Variants in KLHL29 observed in about 807,000 individuals in gnomAD.
KLHL29 encodes the protein kelch-like protein 29.
A neutral mutation model predicts 80.4 loss-of-function variants in KLHL29; 21 were observed. The observed-to-expected ratio is 0.26, with a 90% confidence interval of 0.19 to 0.38. The LOEUF (loss-of-function observed/expected upper bound fraction) is 0.38, where lower values mean the gene tolerates loss of function less well. Among genes scored for constraint, KLHL29 ranks in the 10% least tolerant of loss-of-function variants. The pLI, the probability that KLHL29 is intolerant of heterozygous loss-of-function variation, is 1.00. For missense variants in KLHL29, 867 were observed against 1,223.9 expected (o/e 0.71, Z 4.35); for synonymous variants, 511 against 526.8 (o/e 0.97, Z 0.41).
intron 5 of KLHL29, among the ~76,000 whole-genome samples, chr2:23,679,619 T>TATAGATATAGATATAGATATAGATATAG (rs1553354733): frequency 1.3e-5 from 2 of 151,698 alleles, no homozygotes; most frequent in Non-Finnish European, 2.9e-5. Context: ...CAGATATATA[T>TATAGATATAGATATAGATATAGATATAG]ATATGTATGC....
At position 23,429,262 on chromosome 2, in the gene KLHL29, G is replaced by T. The variant is rs1663099158; in HGVS notation, c.-154+43482G>T. Reference sequence around the variant, plus strand: ...ATGTGAGTTGCTTTTGTGCAGCCCAGGGAGCCATGGTTGCTGGCGCTGGGG... The same window carrying T: ...ATGTGAGTTGCTTTTGTGCAGCCCATGGAGCCATGGTTGCTGGCGCTGGGG... On this transcript the variant is annotated intron_variant, in intron 1 of 13. Transcript: ENST00000486442. Among the ~76,000 whole-genome samples the T allele has an allele frequency of 2.0e-5, 3 of 152,200 alleles. No homozygotes were observed. In the South Asian group the frequency reaches 6.2e-4, roughly 31 times the overall value.
intron 1 of KLHL29, among the ~76,000 whole-genome samples, chr2:23,423,163 G>A (rs534743905): frequency 6.6e-6 from 1 of 152,372 alleles, no homozygotes; most frequent in African/African-American, 2.4e-5. Flanking sequence ...GTCACAGGAA[G>A]TGTTTTTCAC....
At chr2:23,565,537 C>T (rs936623134) in intron 3 of KLHL29, among the ~76,000 whole-genome samples, 17 of 152,144 alleles carry the variant, frequency 1.1e-4, no homozygotes, top group Admixed American at 2.6e-4. Flanking sequence ...GGCCGTCTAG[C>T]GGGCTCCAGA....
At chr2:23,499,371 G>A (rs1403023663) in intron 2 of KLHL29, among the ~76,000 whole-genome samples, 1 of 152,148 alleles carries the variant, frequency 6.6e-6, no homozygotes, top group Admixed American at 6.5e-5. Flanking sequence ...GGACAGATTA[G>A]GGCAACTGGA....
chr2:23,569,636 T>C (rs1357894132), intron 3 of KLHL29, among the ~76,000 whole-genome samples: 1 of 152,190 alleles, frequency 6.6e-6, no homozygotes, highest in African/African-American at 2.4e-5. Context: ...AGGGAAAGTA[T>C]GTTCCAAAAT....
chr2:23,449,792 A>G (rs1663814710), intron 1 of KLHL29, among the ~76,000 whole-genome samples: 1 of 152,118 alleles, frequency 6.6e-6, no homozygotes, highest in South Asian at 2.1e-4. Context: ...GGCCCATACA[A>G]CTGAACTCCT....
intron 2 of KLHL29, among the ~76,000 whole-genome samples, chr2:23,497,056 G>T (rs1665286523): frequency 7.2e-6 from 1 of 138,986 alleles, no homozygotes; most frequent in African/African-American, 2.7e-5. Context: ...TTCTCCTAGG[G>T]TAGGAAAAAA....
chr2:23,487,079 C>T (rs1300332037), intron 2 of KLHL29, among the ~76,000 whole-genome samples: 1 of 152,200 alleles, frequency 6.6e-6, no homozygotes, highest in East Asian at 1.9e-4. Context: ...CTGGAGTTCA[C>T]ATCTGTATGA....
intron 3 of KLHL29, among the ~76,000 whole-genome samples, chr2:23,621,406 A>G (rs938137492): frequency 1.3e-5 from 2 of 152,336 alleles, no homozygotes; most frequent in Non-Finnish European, 2.9e-5. Flanking sequence ...ACGTTTGGCA[A>G]TGGCCTTGGC....
intron 2 of KLHL29, among the ~76,000 whole-genome samples, chr2:23,546,958 T>C (rs1653783): frequency 0.61 from 92,387 of 151,838 alleles, 30,428 homozygotes; most frequent in East Asian, 0.96. Flanking sequence ...GAGACAGACT[T>C]GAGCCATCTG....
chr2:23,621,978 A>C (rs753115455), intron 3 of KLHL29, among the ~76,000 whole-genome samples: 4 of 152,182 alleles, frequency 2.6e-5, no homozygotes, highest in African/African-American at 9.7e-5. Context: ...TGAGAGAGAA[A>C]GTCTGGTCCA....
intron 2 of KLHL29, among the ~76,000 whole-genome samples, chr2:23,502,573 A>G (rs1665484548): frequency 6.6e-6 from 1 of 152,238 alleles, no homozygotes; most frequent in Non-Finnish European, 1.5e-5. Flanking sequence ...TCTGACCCGC[A>G]TGAAATAAAA....
At chr2:23,654,694 G>GT (rs1195544384) in intron 5 of KLHL29, among the ~76,000 whole-genome samples, 1 of 85,524 alleles carries the variant, frequency 1.2e-5, no homozygotes, top group Non-Finnish European at 2.8e-5. Context: ...GGGAACAGAG[G>GT]TTGGGGGGGG....
rs559227984 is a variant in KLHL29, at chr2:23,600,252, G to A, written c.285+37771G>A. 6.6e-5 allele frequency among the ~76,000 whole-genome samples: 10 copies of A among 152,280 alleles called. No homozygotes were observed. In the Middle Eastern group the frequency reaches 0.01, roughly 155 times the overall value. ...CTTTTCAACAATTTTCTAAGCCTCCGGATGGAAGGGGACTCAGCATAATGA... is the reference window on the plus strand; with the variant it reads ...CTTTTCAACAATTTTCTAAGCCTCCAGATGGAAGGGGACTCAGCATAATGA... On this transcript the variant is annotated intron_variant, in intron 3 of 13. Transcript: ENST00000486442.
chr2:23,507,383 G>A (rs959662473), intron 2 of KLHL29, among the ~76,000 whole-genome samples: 4 of 152,084 alleles, frequency 2.6e-5, no homozygotes, highest in Non-Finnish European at 4.4e-5. Flanking sequence ...TCTTATCTCC[G>A]CCTCAAATGG....
intron 1 of KLHL29, among the ~76,000 whole-genome samples, chr2:23,420,191 C>T (rs1356896153): frequency 2.0e-5 from 3 of 152,266 alleles, no homozygotes; most frequent in East Asian, 1.9e-4. Context: ...GACTCCGCAT[C>T]GTCTATCCAA....
intron 2 of KLHL29, among the ~76,000 whole-genome samples, chr2:23,500,022 T>C (rs536843428): frequency 5.3e-5 from 8 of 152,192 alleles, no homozygotes; most frequent in Non-Finnish European, 1.2e-4. Context: ...CTTAGACCTG[T>C]AAATATGTAT....
chr2:23,466,507 G>A (rs761615743), intron 1 of KLHL29, among the ~76,000 whole-genome samples: 5 of 152,198 alleles, frequency 3.3e-5, no homozygotes, highest in Admixed American at 6.5e-5. Context: ...AGAAGCAGAT[G>A]GCTAAATATG....
At chr2:23,673,241 C>T (rs1443464718) in intron 5 of KLHL29, among the ~76,000 whole-genome samples, 1 of 122,888 alleles carries the variant, frequency 8.1e-6, no homozygotes, top group Non-Finnish European at 1.9e-5. Flanking sequence ...CACACACCCA[C>T]ACCACGTGCT....
Sources: gnomAD v4.1 joint callset for allele counts (sites outside exome capture counted in the v4.1 genomes callset) on GRCh38, gnomAD v4.1.1 for gene constraint, MANE v1.5 for transcripts, NCBI Gene and HGNC (gene_info 2026-07-23, HGNC 2026-07-21) for gene names.